PACS1: variants seen among roughly 807,000 people sequenced by gnomAD.
PACS1 encodes phosphofurin acidic cluster sorting protein 1.
A neutral mutation model predicts 115.0 loss-of-function variants in PACS1; 24 were observed. The observed-to-expected ratio is 0.21, with a 90% CI of 0.15 to 0.29. PACS1 has a LOEUF of 0.29. PACS1 is among the 10% of genes least tolerant of loss of function. The pLI is 1.00. For missense variants in PACS1, 838 were observed against 1,251.2 expected, an observed-to-expected ratio of 0.67 and a Z score of 4.98; for synonymous variants, 453 against 504.5, an observed-to-expected ratio of 0.90 and a Z score of 1.37.
intron 1 of PACS1, among the ~76,000 whole-genome samples, chr11:66,185,985 A>G (rs956961450): frequency 6.6e-6 from 1 of 152,182 alleles, no homozygotes; most frequent in African/African-American, 2.4e-5. Context: ...TGAAAAAATC[A>G]GCTGGCAGCA....
chr11:66,236,112 G>GGGGCACCCAGTGGGTACCCAGT lies in PACS1; in HGVS notation c.2250+175_2250+176insCACCCAGTGGGTACCCAGTGGG, dbSNP rs1855698402. Among the ~76,000 whole-genome samples, 1 of 151,804 alleles carries GGGGCACCCAGTGGGTACCCAGT rather than the reference G, an allele frequency of 6.6e-6. No homozygotes were observed. The highest frequency in any genetic ancestry group is 2.4e-5 in the African/African-American group (1 of 41,304). Reference sequence around the variant, plus strand: ...GGAGACGTGTTTGGTTGTTATACGGGGGGTACCCAGTGGGTGGAGGCCAGG... The same window carrying GGGGCACCCAGTGGGTACCCAGT: ...GGAGACGTGTTTGGTTGTTATACGGGGGGCACCCAGTGGGTACCCAGTGGGTACCCAGTGGGTGGAGGCCAGG... On this transcript the variant is annotated intron_variant, in intron 19 of 23. Coordinates refer to ENST00000320580, the MANE Select transcript of PACS1 (RefSeq NM_018026.4). The surrounding 1 kb of genome is among the most constrained non-coding windows in gnomAD (Gnocchi z 4.2).
intron 1 of PACS1, among the ~76,000 whole-genome samples, chr11:66,089,176 C>T (rs948138112): frequency 4.6e-5 from 7 of 152,084 alleles, no homozygotes; most frequent in Non-Finnish European, 7.4e-5. Flanking sequence ...AACTGTGGGT[C>T]GTAGGATGTT....
chr11:66,207,735 A>C (rs970824843), intron 2 of PACS1, among the ~76,000 whole-genome samples: 1 of 151,314 alleles, frequency 6.6e-6, no homozygotes, highest in Non-Finnish European at 1.5e-5. Flanking sequence ...TCTGTTGCCC[A>C]GGCTGGAGTG....
intron 2 of PACS1, among the ~76,000 whole-genome samples, chr11:66,202,742 A>AAAATATATATAT (rs1200930188): frequency 1.1e-4 from 8 of 71,592 alleles, no homozygotes; most frequent in African/African-American, 4.8e-4. Context: ...AAAAAAAAAA[A>AAAATATATATAT]ATATATATAT....
At chr11:66,121,309 C>T (rs1332200044) in intron 1 of PACS1, among the ~76,000 whole-genome samples, 1 of 152,136 alleles carries the variant, frequency 6.6e-6, no homozygotes. Context: ...GGCCATTCCC[C>T]CATCTCTCTT....
At chr11:66,072,288 C>T (rs1221164057) in intron 1 of PACS1, among the ~76,000 whole-genome samples, 3 of 151,836 alleles carry the variant, frequency 2.0e-5, no homozygotes, top group Admixed American at 6.6e-5. Context: ...ATGAATATAC[C>T]GTAATTCTCT....
chr11:66,102,966 G>A (rs1857954096), intron 1 of PACS1, among the ~76,000 whole-genome samples: 1 of 152,040 alleles, frequency 6.6e-6, no homozygotes, highest in Non-Finnish European at 1.5e-5. Flanking sequence ...GAGTAGCTGG[G>A]ATTAAAGGCA....
chr11:66,232,357 C>T (rs983321612), intron 14 of PACS1, 81 bp downstream of exon 14: 2 of 797,840 alleles, frequency 2.5e-6, no homozygotes, highest in African/African-American at 3.4e-5. Flanking sequence ...GGCCTCCATA[C>T]TATTGCGTGG....
intron 1 of PACS1, among the ~76,000 whole-genome samples, chr11:66,152,107 G>A (rs1450488710): frequency 6.6e-6 from 1 of 152,116 alleles, no homozygotes; most frequent in Non-Finnish European, 1.5e-5. Flanking sequence ...GATGGTATGT[G>A]CCTGTAGTGC....
rs965187288 is a variant in PACS1, at chr11:66,207,778, G to GT, written c.445-2575dup. Among the ~76,000 whole-genome samples, 52 of 150,910 alleles carry GT rather than the reference G, an allele frequency of 3.4e-4. 1 individual carries two copies. The South Asian group carries it at 4.8e-3, about 14-fold the overall frequency. On this transcript the variant is annotated intron_variant, in intron 2 of 23. Coordinates refer to ENST00000320580, the MANE Select transcript of PACS1 (RefSeq NM_018026.4). ...ATAATCTTGGCTTTTGTTTTGTTTT[G>GT]TTTTTTTTTGAGACGGAGTCTCGCT...
intron 1 of PACS1, among the ~76,000 whole-genome samples, chr11:66,078,744 A>G (rs1218702525): frequency 6.6e-6 from 1 of 152,100 alleles, no homozygotes; most frequent in East Asian, 1.9e-4. Flanking sequence ...TGCAGAGACA[A>G]GGTCCCACTA....
intron 1 of PACS1, among the ~76,000 whole-genome samples, chr11:66,139,063 A>G (rs535395): frequency 0.74 from 112,833 of 152,020 alleles, 42,533 homozygotes; most frequent in Non-Finnish European, 0.81. Flanking sequence ...AGAAGTTCTG[A>G]CTTTTAGGAT....
At position 66,193,489 on chromosome 11, in the gene PACS1, A is replaced by C. The variant is rs754351294; in HGVS notation, c.360A>C (p.Leu120=). 12 of 1,608,682 alleles carry C rather than the reference A, an allele frequency of 7.5e-6. No homozygotes were observed. The highest frequency in any genetic ancestry group is 1.0e-5 in the Non-Finnish European group (12 of 1,175,062). Reference sequence around the variant, plus strand: ...TCTTCCTTCTCTGTTTTTCTAGGCTATTCAGCTTGACCCTGAAGAAACTCG... The same window carrying C: ...TCTTCCTTCTCTGTTTTTCTAGGCTCTTCAGCTTGACCCTGAAGAAACTCG... ...DRSSSSCVPR[L]FSLTLKKLVM... is the part of the protein sequence containing the mutation. The change falls in exon 2 of 24, where the codon CTA becomes CTC. Residue 120 remains leucine, a synonymous_variant. Coordinates refer to ENST00000320580, the MANE Select transcript of PACS1 (RefSeq NM_018026.4).
intron 1 of PACS1, among the ~76,000 whole-genome samples, chr11:66,180,402 T>C (rs1332143428): frequency 6.6e-6 from 1 of 152,052 alleles, no homozygotes; most frequent in African/African-American, 2.4e-5. Context: ...GTTGCCAGGC[T>C]GGAGTGCAGT....
intron 1 of PACS1, among the ~76,000 whole-genome samples, chr11:66,123,336 C>T (rs1250249546): frequency 6.6e-6 from 1 of 151,792 alleles, no homozygotes; most frequent in Non-Finnish European, 1.5e-5. Context: ...GGATTATAGG[C>T]ACGTGCCACC....
chr11:66,219,620 C>A (rs907437188), intron 7 of PACS1, 126 bp from the exon 8 acceptor site: 1 of 791,892 alleles, frequency 1.3e-6, no homozygotes, highest in Admixed American at 1.9e-5. Flanking sequence ...AGGGCAGAGA[C>A]CAAGTCCTCC....
intron 10 of PACS1, among the ~76,000 whole-genome samples, chr11:66,222,808 C>T (rs1590830816): frequency 6.6e-6 from 1 of 152,182 alleles, no homozygotes; most frequent in East Asian, 1.9e-4. Context: ...AAACCACCTT[C>T]TCTTGGGGCA....
chr11:66,173,434 G>T (rs934876599), intron 1 of PACS1, among the ~76,000 whole-genome samples: 1 of 152,146 alleles, frequency 6.6e-6, no homozygotes, highest in Non-Finnish European at 1.5e-5. Context: ...TCAGCCGGGC[G>T]CAGTGGCTCA....
At chr11:66,160,663 ATTTTTTTTTTT>A (rs58145434) in intron 1 of PACS1, among the ~76,000 whole-genome samples, 1 of 116,220 alleles carries the variant, frequency 8.6e-6, no homozygotes, top group African/African-American at 3.5e-5. Flanking sequence ...TGCCTGGCTG[ATTTTTTTTTTT>A]TTTTTTTTTT....
Sources: gnomAD v4.1 joint callset for allele counts (sites outside exome capture counted in the v4.1 genomes callset) on GRCh38, gnomAD v4.1.1 for gene constraint, Gnocchi (gnomAD v3.1) non-coding constraint, MANE v1.5 for transcripts, NCBI Gene and HGNC (gene_info 2026-07-23, HGNC 2026-07-21) for gene names.